Variants in ALG3 observed in about 807,000 individuals in gnomAD.
The protein encoded by ALG3 is dol-P-Man:Man(5)GlcNAc(2)-PP-Dol alpha-1,3-mannosyltransferase.
In ALG3, 39 loss-of-function variants were observed where a neutral mutation model predicts 50.5. The observed-to-expected ratio is 0.77, with a 90% CI of 0.60 to 1.01. The LOEUF (loss-of-function observed/expected upper bound fraction) is 1.01, where lower values mean the gene tolerates loss of function less well. Ranked by LOEUF, ALG3 falls within the 50% of genes least tolerant of loss-of-function variation. ALG3 has a pLI of 0.00. For missense variants in ALG3, 520 were observed against 554.8 expected, an observed-to-expected ratio of 0.94 and a Z score of 0.63; for synonymous variants, 252 against 237.2, an observed-to-expected ratio of 1.06 and a Z score of -0.58.
intron 1 of ALG3, among the ~76,000 whole-genome samples, chr3:184,246,671 G>A (rs967487534): frequency 1.3e-5 from 2 of 151,274 alleles, no homozygotes; most frequent in African/African-American, 2.4e-5. Context: ...AAAGGAACCA[G>A]GCTGTCTTCT....
chr3:184,246,316 C>T (rs1485365871), intron 1 of ALG3, among the ~76,000 whole-genome samples: 1 of 152,184 alleles, frequency 6.6e-6, no homozygotes, highest in African/African-American at 2.4e-5. Flanking sequence ...ACCTCGTACA[C>T]CAAAGAGCTC....
At chr3:184,249,275 CATCTGTG>C (rs1314790576), upstream of ALG3, 3 of 1,610,644 alleles carry the variant, frequency 1.9e-6, no homozygotes, top group Non-Finnish European at 2.5e-6. Context: ...GCGCTGGGAA[CATCTGTG>C]TTCATGCTGT....
chr3:184,245,099 T>C (rs1719055222), intron 4 of ALG3, 99 bp downstream of exon 4: 1 of 1,476,748 alleles, frequency 6.8e-7, no homozygotes, highest in Non-Finnish European at 9.3e-7. Context: ...GAGTGACCCA[T>C]GCTGTCTTGG....
At position 184,248,839 on chromosome 3, in the gene ALG3, C is replaced by T. The variant is rs1352757415; in HGVS notation, c.102G>A (p.Leu34=). 1.2e-6 allele frequency: 2 copies of T among 1,608,506 alleles called. No homozygotes were observed. The highest frequency in any genetic ancestry group is 1.1e-5 in the South Asian group (1 of 90,852). ...GCGTGTAGCGCGGCTCCCGCAGCAGCAGGCGCCGCTCTTGCCAGGCGCGCT... is the reference window on the plus strand; with the variant it reads ...GCGTGTAGCGCGGCTCCCGCAGCAGTAGGCGCCGCTCTTGCCAGGCGCGCT... The part of the protein sequence containing the change: ...WLQRAWQERR[L]LLREPRYTLL... Residue 34 remains leucine (L), a synonymous_variant, in exon 1 of 9, where the codon CTG becomes CTA. Coordinates refer to ENST00000397676, the MANE Select transcript of ALG3 (RefSeq NM_005787.6).
At position 184,245,621 on chromosome 3, in the gene ALG3, A is replaced by C. The variant is rs371534425; in HGVS notation, c.297-6T>G. On this transcript the variant is annotated splice_polypyrimidine_tract_variant and splice_region_variant and intron_variant, in intron 2 of 8. Transcript: ENST00000397676. The stretch of plus-strand genomic sequence containing the variant: ...ACACGAAACCAGCTGGGTACCTGGA[A>C]GATGAGAGAAAATGTGAGCCTGGGT... 3 of 1,612,398 alleles carry C rather than the reference A, an allele frequency of 1.9e-6. No homozygotes were observed. Among genetic ancestry groups the C allele is most frequent in the Non-Finnish European group, 2.5e-6 (3 of 1,179,216 alleles).
chr3:184,248,608 G>C, intron 1 of ALG3, 137 bp downstream of exon 1: 1 of 793,012 alleles, frequency 1.3e-6, no homozygotes, highest in Non-Finnish European at 2.0e-6. Flanking sequence ...TGGCGCTCAG[G>C]TAAGGGATAT....
At position 184,242,413 on chromosome 3, in the gene ALG3, T is replaced by C; in HGVS notation, c.*101A>G. On this transcript the variant is annotated 3_prime_UTR_variant, in exon 9 of 9. Coordinates refer to ENST00000397676, the MANE Select transcript of ALG3 (RefSeq NM_005787.6). Reference sequence around the variant, plus strand: ...TCGGCTGCCCCCACCTCCATGTAGGTTGCACAGAGTTGGACTTAGCAAGGT... The same window carrying C: ...TCGGCTGCCCCCACCTCCATGTAGGCTGCACAGAGTTGGACTTAGCAAGGT... 1.4e-6 allele frequency: 2 copies of C among 1,418,202 alleles called. No homozygotes were observed. The highest frequency in any genetic ancestry group is 4.9e-5 in the East Asian group (2 of 40,640). 87.9% of individuals were successfully genotyped at this position (1,418,202 alleles called of 1,614,324 possible).
chr3:184,249,337 C>A, upstream of ALG3: 1 of 1,527,348 alleles, frequency 6.5e-7, no homozygotes, highest in Admixed American at 1.9e-5. Flanking sequence ...TCCTGCCTGC[C>A]CTTCGAGCCT....
At chr3:184,249,035 C>G (rs1319085278), upstream of ALG3, 2 of 1,531,474 alleles carry the variant, frequency 1.3e-6, no homozygotes, top group Admixed American at 2.0e-5. Context: ...TCCCACCAGG[C>G]TAAGCGCCGA....
chr3:184,244,613 A>C lies in ALG3; in HGVS notation c.714T>G (p.Cys238Trp). The C allele has an allele frequency of 1.2e-6, 2 of 1,610,084 alleles. No individual in the cohort carries two copies. The highest frequency in any genetic ancestry group is 2.2e-5 in the South Asian group (2 of 90,022). The change falls in exon 5 of 9, where the codon TGT becomes TGG. Residue 238 changes from cysteine to tryptophan, a missense_variant. By Grantham distance (215) the Cys-to-Trp change is radical (BLOSUM62 -2). Coordinates refer to ENST00000397676, the MANE Select transcript of ALG3 (RefSeq NM_005787.6). Reference protein sequence around the residue: ...FRGALPKLGICAGLQVVLGLP... With the variant: ...FRGALPKLGIWAGLQVVLGLP... ...GAGATGGGGGTACCTGAAGGCCAGC[A>C]CAGATTCCCAGCTTGGGGAGGGCCC...
chr3:184,245,299 A>G lies in ALG3; in HGVS notation c.504T>C (p.Phe168=), dbSNP rs750683979. Residue 168 remains phenylalanine (F), a synonymous_variant, in exon 4 of 9, where the codon TTT becomes TTC. Transcript: ENST00000397676. ...CTGGGTCATTGAAGAGCCGCAGCAC[A>G]AAGATGGAGTGGACACGGTAAGAGG... ...CCASYRVHSI[F]VLRLFNDPVA... 7.4e-6 allele frequency: 12 copies of G among 1,613,496 alleles called. No individual in the cohort carries two copies. In the Admixed American group the frequency reaches 2.0e-4, roughly 27 times the overall value.
Position 184,245,555 on chromosome 3 carries a change from A to G in ALG3, c.357T>C (p.Thr119=), listed in dbSNP as rs1396893003. The change falls in exon 3 of 9, where the codon ACT becomes ACC. Residue 119 remains threonine (T), a synonymous_variant. Coordinates refer to ENST00000397676, the MANE Select transcript of ALG3 (RefSeq NM_005787.6). Reference sequence around the variant, plus strand: ...AGATGTTCTGGGCCATGCGGATGTCAGTGCCTCGGCTGGTGGCATAGTACA... The same window carrying G: ...AGATGTTCTGGGCCATGCGGATGTCGGTGCCTCGGCTGGTGGCATAGTACA... The part of the protein sequence containing the change: ...MGLYYATSRG[T]DIRMAQNIFA... The G allele has an allele frequency of 6.2e-7, 1 of 1,613,948 alleles. No homozygotes were observed. The highest frequency in any genetic ancestry group is 1.1e-5 in the South Asian group (1 of 91,052).
In ALG3 at chr3:184,248,882, A is replaced by T. The variant is rs759012191; in HGVS notation, c.59T>A (p.Leu20His). The T allele has an allele frequency of 3.7e-5, 60 of 1,605,546 alleles. No individual in the cohort carries two copies. The highest frequency in any genetic ancestry group is 4.8e-5 in the Non-Finnish European group (57 of 1,176,532). ...GGCGCGCTGCAGCCATTGCTTGCAG[A>T]GTCCCTCTGCCTGGGCCGCGGAACC... ...RSGSAAQAEG[L>H]CKQWLQRAWQ... Residue 20 changes from leucine (L) to histidine (H), a missense_variant, in exon 1 of 9, where the codon CTC becomes CAC. By Grantham distance (99) the Leu-to-His change is moderately conservative (BLOSUM62 -3). Around this residue, in one of 3 missense-constraint regions of ALG3, gnomAD observed 290 missense variants for 265.9 expected, o/e 1.09. Transcript: ENST00000397676.
At position 184,248,949 on chromosome 3, in the gene ALG3, T is replaced by C. The variant is rs1719363437; in HGVS notation, c.-9A>G. 1 of 1,569,820 alleles carries C rather than the reference T, an allele frequency of 6.4e-7. No individual in the cohort carries two copies. Among genetic ancestry groups the C allele is most frequent in the East Asian group, 2.3e-5 (1 of 42,768 alleles). On this transcript the variant is annotated 5_prime_UTR_variant, in exon 1 of 9. Coordinates refer to ENST00000397676, the MANE Select transcript of ALG3 (RefSeq NM_005787.6). ...CGCAGCCCAGCCGCCATCTTAACGG[T>C]GCGCCGCTTGTGTGGGCCCACCACC...
chr3:184,248,965 G>C, upstream of ALG3: 2 of 1,556,316 alleles, frequency 1.3e-6, no homozygotes, highest in Non-Finnish European at 1.7e-6. Context: ...GCTTGTGTGG[G>C]CCCACCACCC....
chr3:184,242,422 G>C lies in ALG3; in HGVS notation c.*92C>G. On this transcript the variant is annotated 3_prime_UTR_variant, in exon 9 of 9. Coordinates refer to ENST00000397676, the MANE Select transcript of ALG3 (RefSeq NM_005787.6). ...CCCACCTCCATGTAGGTTGCACAGA[G>C]TTGGACTTAGCAAGGTTTATTTGGA... The C allele has an allele frequency of 6.7e-7, 1 of 1,486,852 alleles. No homozygotes were observed. The highest frequency in any genetic ancestry group is 2.4e-5 in the East Asian group (1 of 41,324). The allele number at this position is 1,486,852 out of a possible 1,614,324, so 92.1% of individuals were successfully genotyped here.
At position 184,242,435 on chromosome 3, in the gene ALG3, A is replaced by C. The variant is rs1718838575; in HGVS notation, c.*79T>G. 6.5e-7 allele frequency: 1 copy of C among 1,530,806 alleles called. No individual in the cohort carries two copies. The highest frequency in any genetic ancestry group is 1.9e-5 in the Admixed American group (1 of 51,442). The allele number at this position is 1,530,806 out of a possible 1,614,324, so 94.8% of individuals were successfully genotyped here. ...AGGTTGCACAGAGTTGGACTTAGCA[A>C]GGTTTATTTGGAAGGGCAGAGTCCA... On this transcript the variant is annotated 3_prime_UTR_variant, in exon 9 of 9. Coordinates refer to ENST00000397676, the MANE Select transcript of ALG3 (RefSeq NM_005787.6).
rs1051851283 is a variant in ALG3 at position 184,242,623 on chromosome 3, G to C, written c.1208C>G (p.Ser403Cys). ...ELSWNTYPST[S>C]CSSAALHICH... is the part of the protein sequence containing the mutation. Reference sequence around the variant, plus strand: ...TATGTGCAGGGCAGCAGAGCTGCAGGATGTGGAAGGGTATGTGTTCCAGGA... The same window carrying C: ...TATGTGCAGGGCAGCAGAGCTGCAGCATGTGGAAGGGTATGTGTTCCAGGA... The change falls in exon 9 of 9, where the codon TCC becomes TGC. Residue 403 changes from serine to cysteine, a missense_variant. By Grantham distance (112) the Ser-to-Cys change is moderately radical. Coordinates refer to ENST00000397676, the MANE Select transcript of ALG3 (RefSeq NM_005787.6). The C allele has an allele frequency of 6.3e-7, 1 of 1,577,342 alleles. No individual in the cohort carries two copies. The highest frequency in any genetic ancestry group is 1.3e-5 in the African/African-American group (1 of 74,326).
intron 5 of ALG3, chr3:184,244,331 C>G: frequency 1.9e-6 from 1 of 538,998 alleles, no homozygotes; most frequent in Non-Finnish European, 3.2e-6. Context: ...ATTGCTTGAG[C>G]CCAGGAGTTT....
Sources: gnomAD v4.1 joint callset for allele counts (sites outside exome capture counted in the v4.1 genomes callset) on GRCh38, gnomAD v4.1.1 for gene constraint, gnomAD v4.1.1 regional missense constraint, MANE v1.5 for transcripts, NCBI Gene and HGNC (gene_info 2026-07-23, HGNC 2026-07-21) for gene names.